The following BCOR variants were observed in gnomAD, a reference collection of about 807,000 sequenced individuals.
BCOR encodes BCL6 corepressor.
Under a neutral mutation model 86.7 loss-of-function variants are expected in BCOR, and 10 were observed. That is an observed-to-expected ratio of 0.12 (90% CI 0.07 to 0.20). BCOR has a LOEUF of 0.20. Among genes scored for constraint, BCOR ranks in the 10% least tolerant of loss-of-function variants. The pLI is 1.00. For missense variants in BCOR, 1,259 were observed against 1,452.1 expected, an observed-to-expected ratio of 0.87 and a Z score of 2.16; for synonymous variants, 611 against 609.0, an observed-to-expected ratio of 1.00 and a Z score of -0.05.
intron 1 of BCOR, among the ~76,000 whole-genome samples, chrX:40,143,455 G>A (rs1602261678): frequency 9.6e-6 from 1 of 104,700 alleles, no homozygotes; most frequent in East Asian, 2.8e-4. Flanking sequence ...TGTGTTAGGG[G>A]GAAATGAAAA....
chrX:40,052,195 C>T lies in BCOR; in HGVS notation c.5182G>A (p.Glu1728Lys), dbSNP rs1263367710. 1 of 1,211,314 alleles carries T rather than the reference C, an allele frequency of 8.3e-7. No individual in the cohort carries two copies. ...PESKELLDLV[E>K]FTNEIQTLLG... ...AGAGTCTGAATTTCGTTCGTGAATT[C>T]CACCAGATCTAACAGCTCCTTACTT... Residue 1728 changes from glutamate (E) to lysine (K), a missense_variant, in exon 15 of 15, where the codon GAA becomes AAA. Physicochemically the swap from Glu to Lys is moderately conservative, Grantham distance 56. Around this residue, in one of 7 missense-constraint regions of BCOR, gnomAD observed 137 missense variants for 149.8 expected, o/e 0.91. Coordinates refer to ENST00000378444, the MANE Select transcript of BCOR (RefSeq NM_001123385.2).
intron 9 of BCOR, 150 bp from the exon 10 acceptor site, chrX:40,062,543 A>C: frequency 1.3e-6 from 1 of 790,195 alleles, no homozygotes; most frequent in Non-Finnish European, 1.8e-6. Flanking sequence ...CTGTCAAAGG[A>C]GGGTTTGGGG....
chrX:40,075,294 G>GT, intron 3 of BCOR, 114 bp from the exon 4 acceptor site: 1 of 301,683 alleles, frequency 3.3e-6, no homozygotes. Context: ...AGCACAAAGG[G>GT]TTAAAGACAG....
At chrX:40,066,173 C>A (rs958794980) in intron 6 of BCOR, among the ~76,000 whole-genome samples, 18 of 111,821 alleles carry the variant, frequency 1.6e-4, no homozygotes, top group Admixed American at 7.6e-4. Context: ...CAAGCCCCCA[C>A]CATGGAATAC....
intron 1 of BCOR, among the ~76,000 whole-genome samples, chrX:40,109,272 C>T (rs886489033): frequency 5.4e-5 from 6 of 111,839 alleles, no homozygotes; most frequent in South Asian, 3.7e-4. Flanking sequence ...TGCCCCCACC[C>T]CCACCCCCGC....
intron 1 of BCOR, among the ~76,000 whole-genome samples, chrX:40,078,450 TG>T (rs1225603932): frequency 1.8e-5 from 2 of 111,716 alleles, no homozygotes; most frequent in African/African-American, 6.5e-5. Flanking sequence ...GGCACCACAG[TG>T]AGGTGAGCGG....
rs924367737 is a variant in BCOR, at chrX:40,104,499, CG to C, written c.-40-26531del. 1.8e-5 allele frequency among the ~76,000 whole-genome samples: 2 copies of C among 111,587 alleles called. 1 individual carries two copies. Among genetic ancestry groups the C allele is most frequent in the Admixed American group, 1.9e-4 (2 of 10,608 alleles). On this transcript the variant is annotated intron_variant, in intron 1 of 14. Transcript: ENST00000342274. ...GGTATCAGACTCCACGACCTCAGAG[CG>C]CCCTGCAAATTCCCCCCGGCCCAGT...
At position 40,155,449 on chromosome X, in the gene BCOR, G is replaced by C. The variant is rs887485855; in HGVS notation, c.-41+21558C>G. On this transcript the variant is annotated intron_variant, in intron 1 of 14. Transcript: ENST00000342274. ...ACCCAGGGCCTCCGGGTTTCGGTGG[G>C]GAAGCAGGAAGGGGGTGGGGAGCAG... Among the ~76,000 whole-genome samples, 150 of 111,380 alleles carry C rather than the reference G, an allele frequency of 1.3e-3. 1 individual carries two copies. Among genetic ancestry groups the C allele is most frequent in the South Asian group, 3.8e-3 (10 of 2,603 alleles).
At chrX:40,075,993 T>G (rs1412622377) in intron 3 of BCOR, among the ~76,000 whole-genome samples, 2 of 111,369 alleles carry the variant, frequency 1.8e-5, no homozygotes, top group Non-Finnish European at 3.8e-5. Context: ...CGATCTTCGA[T>G]GGGACAACAG....
chrX:40,166,275 A>G (rs995696930), intron 1 of BCOR, among the ~76,000 whole-genome samples: 1 of 112,235 alleles, frequency 8.9e-6, no homozygotes, highest in Non-Finnish European at 1.9e-5. Flanking sequence ...GACAGACTGC[A>G]ACACAGTGGG....
intron 1 of BCOR, among the ~76,000 whole-genome samples, chrX:40,112,705 C>T (rs1036112033): frequency 9.0e-6 from 1 of 111,688 alleles, no homozygotes; most frequent in Non-Finnish European, 1.9e-5. Context: ...TGTAGCACCG[C>T]GCCCAGCCAC....
intron 1 of BCOR, among the ~76,000 whole-genome samples, chrX:40,165,279 C>T (rs892785744): frequency 8.9e-6 from 1 of 111,913 alleles, no homozygotes; most frequent in African/African-American, 3.2e-5. Context: ...CCCGCTTCCC[C>T]TCCCCGCCCT....
rs371269688 is a variant in BCOR at position 40,072,833 on chromosome X, G to T, written c.2513C>A (p.Pro838His). Residue 838 changes from proline to histidine, a missense_variant, in exon 4 of 15, where the codon CCC becomes CAC. Coordinates refer to ENST00000378444, the MANE Select transcript of BCOR (RefSeq NM_001123385.2). ...AESVGQSAEP[P>H]KPSVEPALQQ... ...CAGGGCCGGCTCAACTGAGGGCTTG[G>T]GGGGCTCAGCGCTCTGGCCAACACT... 2.5e-6 allele frequency: 3 copies of T among 1,211,869 alleles called. No individual in the cohort carries two copies. Among genetic ancestry groups the T allele is most frequent in the Admixed American group, 2.2e-5 (1 of 46,073 alleles).
chrX:40,124,949 C>T (rs903604099), intron 1 of BCOR, among the ~76,000 whole-genome samples: 9 of 106,980 alleles, frequency 8.4e-5, no homozygotes, highest in African/African-American at 2.1e-4. Context: ...TAAGGGAGGC[C>T]GCCCTGGGAA....
At chrX:40,068,578 A>C (rs1322180727) in intron 6 of BCOR, among the ~76,000 whole-genome samples, 1 of 112,631 alleles carries the variant, frequency 8.9e-6, no homozygotes, top group Non-Finnish European at 1.9e-5. Flanking sequence ...CAGACACCCA[A>C]ATTCAAGAAG....
At chrX:40,071,255 A>G in intron 5 of BCOR, 96 bp from the exon 6 acceptor site, 3 of 941,873 alleles carry the variant, frequency 3.2e-6, no homozygotes, top group Non-Finnish European at 4.4e-6. Context: ...TTTTCAAAGA[A>G]AAGTGCCCAA....
intron 1 of BCOR, among the ~76,000 whole-genome samples, chrX:40,158,459 C>T (rs887774201): frequency 5.3e-5 from 6 of 112,590 alleles, no homozygotes; most frequent in African/African-American, 1.6e-4. Flanking sequence ...GGCCCCCCTC[C>T]CCGCTGCGGG....
chrX:40,120,328 C>T (rs746146420), intron 1 of BCOR, among the ~76,000 whole-genome samples: 5 of 111,344 alleles, frequency 4.5e-5, no homozygotes, highest in African/African-American at 1.6e-4. Context: ...TGCCCCTTCT[C>T]TCTTCCTCCC....
Position 40,075,662 on chromosome X carries a change from G to A in BCOR, c.166-482C>T, listed in dbSNP as rs756393329. The stretch of plus-strand genomic sequence containing the variant: ...TAGTCCCAGCTACTCGGGAGACTGA[G>A]GCAAGAGAATTGCTTGAACCCGGGA... On this transcript the variant is annotated intron_variant, in intron 3 of 14. Transcript: ENST00000378444. 4.5e-5 allele frequency among the ~76,000 whole-genome samples: 5 copies of A among 111,594 alleles called. No individual in the cohort carries two copies. The South Asian group carries it at 1.9e-3, about 43-fold the overall frequency.
Sources: allele counts gnomAD v4.1 joint callset (sites outside exome capture counted in the v4.1 genomes callset), GRCh38; gene constraint gnomAD v4.1.1; regional missense constraint gnomAD v4.1.1; transcripts MANE v1.5; gene names NCBI Gene and HGNC (gene_info 2026-07-23, HGNC 2026-07-21).